NSD3: variants seen among roughly 807,000 people sequenced by gnomAD.
NSD3 encodes the protein histone-lysine N-methyltransferase NSD3.
In NSD3, 24 loss-of-function variants were observed where a neutral mutation model predicts 160.8. The ratio of observed to expected loss-of-function variants is 0.15; its 90% CI spans 0.11 to 0.21. The LOEUF (loss-of-function observed/expected upper bound fraction) is 0.21, where lower values mean the gene tolerates loss of function less well. Ranked by LOEUF, NSD3 falls within the 10% of genes least tolerant of loss-of-function variation. NSD3 has a pLI of 1.00. For missense variants in NSD3, 1,157 were observed against 1,735.9 expected (o/e 0.67, Z 5.93); for synonymous variants, 520 against 600.0 (o/e 0.87, Z 1.95).
In NSD3 at chr8:38,275,990, C is replaced by G. The variant is rs981956145; in HGVS notation, c.4073-108G>C. On this transcript the variant is annotated intron_variant, in intron 23 of 23. Coordinates refer to ENST00000317025, the MANE Select transcript of NSD3 (RefSeq NM_023034.2). Reference sequence around the variant, plus strand: ...TTCTTCTCTCATTGGAGATGGAATTCAATTGAATACAACTCCAAATTTCAA... The same window carrying G: ...TTCTTCTCTCATTGGAGATGGAATTGAATTGAATACAACTCCAAATTTCAA... 4 of 971,212 alleles carry G rather than the reference C, an allele frequency of 4.1e-6. No individual in the cohort carries two copies. In the East Asian group the frequency reaches 7.9e-5, roughly 19 times the overall value. 60.2% of individuals were successfully genotyped at this position (971,212 alleles called of 1,614,324 possible).
chr8:38,320,768 T>A, intron 8 of NSD3: 1 of 212,662 alleles, frequency 4.7e-6, no homozygotes, highest in Non-Finnish European at 9.1e-6. Flanking sequence ...CAAATAAAAA[T>A]CATAAAAACA....
At chr8:38,324,016 C>T (rs1243590424) in intron 7 of NSD3, among the ~76,000 whole-genome samples, 1 of 152,058 alleles carries the variant, frequency 6.6e-6, no homozygotes, top group African/African-American at 2.4e-5. Context: ...AATTACTAAT[C>T]ATTTAGTGTA....
chr8:38,303,161 C>CT, intron 14 of NSD3: 1 of 907,960 alleles, frequency 1.1e-6, no homozygotes. Flanking sequence ...CAATAAGAGA[C>CT]TTTATGTTAT....
At chr8:38,365,891 A>G (rs1811093783) in intron 1 of NSD3, among the ~76,000 whole-genome samples, 1 of 152,130 alleles carries the variant, frequency 6.6e-6, no homozygotes, top group Non-Finnish European at 1.5e-5. Flanking sequence ...AGTTATGGCT[A>G]TAGTAAAAAG....
chr8:38,379,130 G>A (rs1219707830), intron 1 of NSD3, among the ~76,000 whole-genome samples: 1 of 151,626 alleles, frequency 6.6e-6, no homozygotes, highest in Non-Finnish European at 1.5e-5. Context: ...AGCCAACACA[G>A]GTAACAGGTG....
rs908293719 is a variant in NSD3, at chr8:38,329,163, T to C, written c.1581+215A>G. 6.6e-6 allele frequency among the ~76,000 whole-genome samples: 1 copy of C among 152,122 alleles called. No individual in the cohort carries two copies. The highest frequency in any genetic ancestry group is 2.4e-5 in the African/African-American group (1 of 41,420). Reference sequence around the variant, plus strand: ...GCTGCACAGCTCAAGACTAATCTACTACAGATGGGAAAATCACAAAAGAAG... The same window carrying C: ...GCTGCACAGCTCAAGACTAATCTACCACAGATGGGAAAATCACAAAAGAAG... On this transcript the variant is annotated intron_variant, in intron 6 of 23. Transcript: ENST00000317025. This position sits in a 1 kb window ranked among gnomAD's most constrained non-coding sequence, Gnocchi z 4.8.
Position 38,318,796 on chromosome 8 carries a change from C to T in NSD3, c.1855+99G>A, listed in dbSNP as rs1411722035. 4.2e-6 allele frequency: 5 copies of T among 1,179,970 alleles called. No homozygotes were observed. The East Asian group carries it at 7.1e-5, about 17-fold the overall frequency. 73.1% of individuals were successfully genotyped at this position (1,179,970 alleles called of 1,614,324 possible). Reference sequence around the variant, plus strand: ...GCAATTTCACACTGAAGAGCAACAACGATTTACAGAGACAGACAAAAATAC... The same window carrying T: ...GCAATTTCACACTGAAGAGCAACAATGATTTACAGAGACAGACAAAAATAC... On this transcript the variant is annotated intron_variant, in intron 9 of 23. Transcript: ENST00000317025. The surrounding 1 kb of genome is among the most constrained non-coding windows in gnomAD (Gnocchi z 5.3).
rs190676759 is a variant in NSD3 at position 38,279,537 on chromosome 8, T to C, written c.3760+3A>G. On this transcript the variant is annotated splice_donor_region_variant and intron_variant, in intron 21 of 23. Transcript: ENST00000317025. ...AAGCATGGGGAACGAGTCACTTTTTTACCTGCAGGAATATCACAGAGAGCA... is the reference window on the plus strand; with the variant it reads ...AAGCATGGGGAACGAGTCACTTTTTCACCTGCAGGAATATCACAGAGAGCA... The C allele has an allele frequency of 3.1e-4, 508 of 1,613,626 alleles. No homozygotes were observed. The African/African-American group carries it at 5.7e-3, about 18-fold the overall frequency.
chr8:38,343,151 C>T (rs563344935), intron 2 of NSD3, among the ~76,000 whole-genome samples: 36 of 151,182 alleles, frequency 2.4e-4, no homozygotes, highest in African/African-American at 7.3e-4. Context: ...GAGCCGAGAT[C>T]GTGCCACTGT....
intron 2 of NSD3, among the ~76,000 whole-genome samples, chr8:38,342,850 G>A (rs541464530): frequency 9.3e-5 from 14 of 150,624 alleles, no homozygotes; most frequent in African/African-American, 2.9e-4. Context: ...GAGCCACCAC[G>A]GCCTTCAGCC....
intron 21 of NSD3, 35 bp downstream of exon 21, chr8:38,279,505 G>A: frequency 6.2e-7 from 1 of 1,608,988 alleles, no homozygotes; most frequent in South Asian, 1.1e-5. Context: ...TTTCTTCCTA[G>A]GGAGGAAAGC....
At position 38,295,143 on chromosome 8, in the gene NSD3, CAA is replaced by C. The variant is rs746596031; in HGVS notation, c.2915+651_2915+652del. The stretch of plus-strand genomic sequence containing the variant: ...TGGACGACAAAGCAACACTCCGTCT[CAA>C]AAAAAAAAAAAAAAAAAAGTTTTTT... On this transcript the variant is annotated intron_variant, in intron 16 of 23. Transcript: ENST00000317025. Among the ~76,000 whole-genome samples, 10 of 35,278 alleles carry C rather than the reference CAA, an allele frequency of 2.8e-4. No homozygotes were observed. The South Asian group carries it at 3.7e-3, about 13-fold the overall frequency. 23.1% of individuals were successfully genotyped at this position (35,278 alleles called of 152,430 possible). A position where few individuals can be genotyped will look rare whatever the true frequency, so the allele number is the denominator to read the frequency against.
intron 16 of NSD3, 75 bp from the exon 17 acceptor site, chr8:38,290,752 G>A: frequency 6.7e-7 from 1 of 1,498,898 alleles, no homozygotes; most frequent in Non-Finnish European, 9.1e-7. Context: ...ATTGGCAGAA[G>A]GGAAAAAAGT....
intron 1 of NSD3, among the ~76,000 whole-genome samples, chr8:38,374,114 CAA>C (rs997756717): frequency 2.2e-5 from 3 of 137,908 alleles, no homozygotes; most frequent in Admixed American, 7.2e-5. Flanking sequence ...GACCCTGTCT[CAA>C]AAAAAAAAAA....
chr8:38,372,857 C>T (rs1201333828), intron 1 of NSD3, among the ~76,000 whole-genome samples: 1 of 149,370 alleles, frequency 6.7e-6, no homozygotes, highest in African/African-American at 2.5e-5. Flanking sequence ...GCGGTTCACG[C>T]CTGGCCAATA....
intron 14 of NSD3, among the ~76,000 whole-genome samples, chr8:38,301,779 ACTT>A (rs1809283150): frequency 6.6e-6 from 1 of 152,262 alleles, no homozygotes. Flanking sequence ...TGGAGAGATA[ACTT>A]CTTAGGGAAA....
chr8:38,360,016 G>A (rs74760942), intron 1 of NSD3, among the ~76,000 whole-genome samples: 1 of 90,678 alleles, frequency 1.1e-5, no homozygotes. Context: ...TTTTTTTTTT[G>A]AGACGGTCTC....
intron 1 of NSD3, among the ~76,000 whole-genome samples, chr8:38,351,662 CAAA>C (rs780835943): frequency 7.6e-5 from 6 of 79,138 alleles, no homozygotes; most frequent in Admixed American, 4.4e-4. Flanking sequence ...GACTCCGTCT[CAAA>C]AAAAAAAAAA....
intron 19 of NSD3, among the ~76,000 whole-genome samples, chr8:38,287,562 T>C (rs1251745336): frequency 6.6e-6 from 1 of 152,218 alleles, no homozygotes; most frequent in South Asian, 2.1e-4. Context: ...AGGAAGAATT[T>C]CACTCTGCTA....
Sources: gnomAD v4.1 joint callset for allele counts (sites outside exome capture counted in the v4.1 genomes callset) on GRCh38, gnomAD v4.1.1 for gene constraint, Gnocchi (gnomAD v3.1) non-coding constraint, MANE v1.5 for transcripts, NCBI Gene and HGNC (gene_info 2026-07-23, HGNC 2026-07-21) for gene names.